Variants in NDUFAF7 observed in about 807,000 individuals in gnomAD.
The protein encoded by NDUFAF7 is NADH:ubiquinone oxidoreductase complex assembly factor 7.
NDUFAF7 carries 48 observed loss-of-function variants against 47.2 expected under a neutral mutation model. The observed-to-expected ratio is 1.02, with a 90% confidence interval of 0.81 to 1.29. The LOEUF (loss-of-function observed/expected upper bound fraction) is 1.29, where lower values mean the gene tolerates loss of function less well. NDUFAF7 is among the 50% of genes most tolerant of loss of function. NDUFAF7 has a pLI of 0.00. For missense variants in NDUFAF7, 635 were observed against 537.6 expected (o/e 1.18, Z -1.79); for synonymous variants, 217 against 190.0 (o/e 1.14, Z -1.17).
At chr2:37,237,161 A>T (rs1665880699) in intron 3 of NDUFAF7, among the ~76,000 whole-genome samples, 1 of 151,970 alleles carries the variant, frequency 6.6e-6, no homozygotes, top group South Asian at 2.1e-4. Flanking sequence ...GTAGAGACAG[A>T]GTTTCTCCAT....
chr2:37,246,721 CTCTT>C (rs1230853871), intron 8 of NDUFAF7, among the ~76,000 whole-genome samples: 1 of 151,820 alleles, frequency 6.6e-6, no homozygotes, highest in Non-Finnish European at 1.5e-5. Context: ...TAACTAAATG[CTCTT>C]AGTCATTTTC....
At chr2:37,231,925 C>T in intron 1 of NDUFAF7, 165 bp downstream of exon 1, 2 of 1,593,148 alleles carry the variant, frequency 1.3e-6, no homozygotes, top group East Asian at 2.2e-5. Flanking sequence ...AATAGGGCTG[C>T]GTAGTCGTGG....
At chr2:37,249,384 C>G (rs1424689926), downstream of NDUFAF7, among the ~76,000 whole-genome samples, 2 of 152,038 alleles carry the variant, frequency 1.3e-5, no homozygotes, top group African/African-American at 2.4e-5. Flanking sequence ...GGAGACCAGC[C>G]TGGCCAACAT....
rs192545281 is a variant in NDUFAF7 at position 37,237,391 on chromosome 2, A to G, written c.298-366A>G. 9.2e-4 allele frequency among the ~76,000 whole-genome samples: 140 copies of G among 152,404 alleles called. 2 individuals carry two copies. The highest frequency in any genetic ancestry group is 1.6e-3 in the Non-Finnish European group (107 of 68,036). On this transcript the variant is annotated intron_variant, in intron 3 of 9. Transcript: ENST00000002125. Reference sequence around the variant, plus strand: ...TGCGTATCGAAAAACATTAGTTATTATAAGAATCATGTAATTGTTTAAATC... The same window carrying G: ...TGCGTATCGAAAAACATTAGTTATTGTAAGAATCATGTAATTGTTTAAATC...
chr2:37,260,842 T>A, the NDUFAF7 span, among the ~76,000 whole-genome samples: 5 of 152,226 alleles, frequency 3.3e-5, no homozygotes, highest in Admixed American at 6.5e-5. Context: ...TATAATATTA[T>A]AATCATTAAT....
chr2:37,258,470 T>C, the NDUFAF7 span, among the ~76,000 whole-genome samples: 2 of 152,244 alleles, frequency 1.3e-5, no homozygotes, highest in African/African-American at 4.8e-5. Context: ...CACTTGAGCA[T>C]AAAAAGCGTA....
downstream of NDUFAF7, chr2:37,253,022 A>T: frequency 1.6e-6 from 1 of 639,058 alleles, no homozygotes; most frequent in Non-Finnish European, 2.4e-6. Context: ...GCCTGTACCT[A>T]CTCATTATGA....
At chr2:37,258,693 G>A in the NDUFAF7 span, among the ~76,000 whole-genome samples, 1 of 152,110 alleles carries the variant, frequency 6.6e-6, no homozygotes, top group African/African-American at 2.4e-5. Context: ...AAATGATAGG[G>A]AATCACTTTT....
rs1184297325 is a variant in NDUFAF7, at chr2:37,236,116, C to G, written c.237C>G (p.Asp79Glu). 2 of 1,613,056 alleles carry G rather than the reference C, an allele frequency of 1.2e-6. No homozygotes were observed. Among genetic ancestry groups the G allele is most frequent in the East Asian group, 2.2e-5 (1 of 44,824 alleles). The part of the protein sequence containing the change: ...NPAKGYYVYR[D>E]MLGEKGDFIT... ...CTCAGGGTTATTATGTGTACCGTGACATGCTAGGCGAAAAAGGAGATTTCA... is the reference window on the plus strand; with the variant it reads ...CTCAGGGTTATTATGTGTACCGTGAGATGCTAGGCGAAAAAGGAGATTTCA... Residue 79 changes from aspartate (D) to glutamate (E), a missense_variant, in exon 3 of 10, where the codon GAC becomes GAG. Physicochemically the swap from Asp to Glu is conservative, Grantham distance 45. Coordinates refer to ENST00000002125, the MANE Select transcript of NDUFAF7 (RefSeq NM_144736.5).
downstream of NDUFAF7, chr2:37,256,744 A>T: frequency 6.2e-7 from 1 of 1,609,232 alleles, no homozygotes; most frequent in South Asian, 1.1e-5. Flanking sequence ...CTTCATCCTC[A>T]TTAAAAGGAA....
downstream of NDUFAF7, among the ~76,000 whole-genome samples, chr2:37,257,242 T>C (rs1465652423): frequency 1.3e-5 from 2 of 152,162 alleles, no homozygotes; most frequent in African/African-American, 4.8e-5. Context: ...AGTATGCTGC[T>C]TTCTATCATT....
chr2:37,260,526 C>A, the NDUFAF7 span: 2 of 791,520 alleles, frequency 2.5e-6, no homozygotes, highest in African/African-American at 1.8e-5. Flanking sequence ...AAATTACAAT[C>A]AATGAAAAGG....
intron 3 of NDUFAF7, 113 bp downstream of exon 3, chr2:37,236,289 T>A: frequency 1.0e-6 from 1 of 952,546 alleles, no homozygotes; most frequent in African/African-American, 1.6e-5. Context: ...ATCAAAAGTT[T>A]TAACTTTATA....
the NDUFAF7 span, among the ~76,000 whole-genome samples, chr2:37,270,905 G>T: frequency 2.0e-5 from 3 of 152,110 alleles, no homozygotes; most frequent in Non-Finnish European, 4.4e-5. Context: ...TTTCCCCCAT[G>T]ACATGGATGG....
chr2:37,236,946 C>T (rs1665854087), intron 3 of NDUFAF7, among the ~76,000 whole-genome samples: 1 of 152,058 alleles, frequency 6.6e-6, no homozygotes, highest in Admixed American at 6.6e-5. Flanking sequence ...ATGATTTTAG[C>T]CGTACTTACA....
At chr2:37,251,150 G>A (rs192816821), downstream of NDUFAF7, 5 of 152,584 alleles carry the variant, frequency 3.3e-5, no homozygotes, top group Admixed American at 1.3e-4. Flanking sequence ...ACAGACTTTG[G>A]TGAAACTGGG....
At chr2:37,244,775 T>G (rs921251696) in intron 7 of NDUFAF7, among the ~76,000 whole-genome samples, 10 of 152,334 alleles carry the variant, frequency 6.6e-5, no homozygotes, top group African/African-American at 2.2e-4. Flanking sequence ...AATTTAAATG[T>G]CAGACTGAAC....
the NDUFAF7 span, chr2:37,268,270 G>A: frequency 2.1e-6 from 1 of 468,948 alleles, no homozygotes; most frequent in Non-Finnish European, 4.4e-6. Context: ...CTGAACAAAT[G>A]TGTGCATTTT....
At chr2:37,269,984 T>G in the NDUFAF7 span, among the ~76,000 whole-genome samples, 6 of 152,296 alleles carry the variant, frequency 3.9e-5, no homozygotes, top group East Asian at 1.2e-3. Context: ...TCCCAGCACT[T>G]TGGGAGGCTG....
Sources: gnomAD v4.1 joint callset for allele counts (sites outside exome capture counted in the v4.1 genomes callset) on GRCh38, gnomAD v4.1.1 for gene constraint, MANE v1.5 for transcripts, NCBI Gene and HGNC (gene_info 2026-07-23, HGNC 2026-07-21) for gene names.